Variants in CHST3 observed in about 807,000 individuals in gnomAD.
CHST3 encodes the protein carbohydrate sulfotransferase 3, also known as C6ST-1.
CHST3 carries 20 observed loss-of-function variants against 35.4 expected under a neutral mutation model. The ratio of observed to expected loss-of-function variants is 0.57; its 90% CI spans 0.40 to 0.82. CHST3 has a LOEUF of 0.82. Ranked by LOEUF, CHST3 falls within the 40% of genes least tolerant of loss-of-function variation. The pLI is 0.00. For synonymous variants in CHST3, 334 were observed against 295.9 expected (o/e 1.13, Z -1.32); for missense variants, 693 against 670.1 (o/e 1.03, Z -0.38).
At chr10:71,977,602 A>G (rs2131742673) in intron 1 of CHST3, among the ~76,000 whole-genome samples, 1 of 151,918 alleles carries the variant, frequency 6.6e-6, no homozygotes. Context: ...GGTGTGCTCC[A>G]CCTAATTTTT....
chr10:72,000,553 C>T (rs895126198), intron 1 of CHST3, among the ~76,000 whole-genome samples: 8 of 152,004 alleles, frequency 5.3e-5, no homozygotes, highest in Admixed American at 5.2e-4. Context: ...GGCAGAGGTA[C>T]CAGCTGATGC....
In CHST3 at chr10:72,008,073, A is replaced by AT; in HGVS notation, c.1043dup (p.Arg349ProfsTer163). 5.2e-6 allele frequency: 8 copies of AT among 1,546,040 alleles called. No individual in the cohort carries two copies. Among genetic ancestry groups the AT allele is most frequent in the Non-Finnish European group, 7.0e-6 (8 of 1,144,224 alleles). ...GCGGCTGCGGGGCAACTGCGAGAGC[A>AT]TCCGCCTGTCCGCGGAGCTGGGGCT... On this transcript the variant is annotated frameshift_variant, in exon 3 of 3. Coordinates refer to ENST00000373115, the MANE Select transcript of CHST3 (RefSeq NM_004273.5). LOFTEE classifies it high-confidence loss of function.
intron 1 of CHST3, among the ~76,000 whole-genome samples, chr10:71,970,131 C>A (rs1839676457): frequency 6.6e-6 from 1 of 152,114 alleles, no homozygotes. Flanking sequence ...TCTCTATTGC[C>A]CCAAATCTGG....
chr10:71,991,935 G>A (rs202155503), intron 1 of CHST3, among the ~76,000 whole-genome samples: 1 of 148,526 alleles, frequency 6.7e-6, no homozygotes, highest in Non-Finnish European at 1.5e-5. Flanking sequence ...AACTCTGTCT[G>A]AAAAAAAAAA....
chr10:71,984,624 G>GCTT (rs955770434), intron 1 of CHST3, among the ~76,000 whole-genome samples: 7 of 152,194 alleles, frequency 4.6e-5, no homozygotes, highest in Non-Finnish European at 7.3e-5. Flanking sequence ...GTGGAGCCAG[G>GCTT]CTTCCTGTGT....
intron 2 of CHST3, among the ~76,000 whole-genome samples, chr10:72,006,907 G>C (rs1840044127): frequency 6.6e-6 from 1 of 152,140 alleles, no homozygotes; most frequent in South Asian, 2.1e-4. Context: ...ATCCCCATCA[G>C]ACTAAGCCTC....
rs1462314405 is a variant in CHST3, at chr10:72,011,663, GA to G, written c.*3193del. ...GCCGCCAGCCTCCCTAGCACAAGGG[GA>G]CCATTCAGCAATGAGTGTTTACTCA... On this transcript the variant is annotated 3_prime_UTR_variant, in exon 3 of 3. Coordinates refer to ENST00000373115, the MANE Select transcript of CHST3 (RefSeq NM_004273.5). The G allele has an allele frequency of 6.6e-6, 1 of 152,240 alleles. No individual in the cohort carries two copies. The highest frequency in any genetic ancestry group is 2.4e-5 in the African/African-American group (1 of 41,450). 9.4% of individuals were successfully genotyped at this position (152,240 alleles called of 1,614,324 possible). A position where few individuals can be genotyped will look rare whatever the true frequency, so the allele number is the denominator to read the frequency against.
chr10:71,995,080 C>G (rs1839927219), intron 1 of CHST3, among the ~76,000 whole-genome samples: 1 of 152,180 alleles, frequency 6.6e-6, no homozygotes, highest in African/African-American at 2.4e-5. Flanking sequence ...AAGTCTTTTT[C>G]ACATTATTAT....
intron 1 of CHST3, among the ~76,000 whole-genome samples, chr10:71,984,530 G>A (rs1044323232): frequency 2.0e-5 from 3 of 152,176 alleles, no homozygotes; most frequent in Non-Finnish European, 2.9e-5. Context: ...CTAGGACTCT[G>A]ATCTGTCCAC....
At chr10:71,979,996 C>T (rs925124008) in intron 1 of CHST3, among the ~76,000 whole-genome samples, 2 of 152,204 alleles carry the variant, frequency 1.3e-5, no homozygotes, top group African/African-American at 4.8e-5. Flanking sequence ...TCACCTGAAA[C>T]AGTCCTTCCC....
intron 1 of CHST3, among the ~76,000 whole-genome samples, chr10:71,977,485 T>A (rs1839757776): frequency 1.3e-5 from 2 of 150,914 alleles, no homozygotes; most frequent in Admixed American, 6.6e-5. Flanking sequence ...GGTCTCACTC[T>A]GTCACCCAGG....
At position 71,975,835 on chromosome 10, in the gene CHST3, G is replaced by A. The variant is rs576710126; in HGVS notation, c.-108+11141G>A. Among the ~76,000 whole-genome samples, 225 of 152,356 alleles carry A rather than the reference G, an allele frequency of 1.5e-3. 1 individual carries two copies. Among genetic ancestry groups the A allele is most frequent in the African/African-American group, 5.3e-3 (220 of 41,576 alleles). ...AGCTGGAGTGGAGGGGCCAGTGGCCGTGCCCTGTGCAGAATGACATCCTCT... is the reference window on the plus strand; with the variant it reads ...AGCTGGAGTGGAGGGGCCAGTGGCCATGCCCTGTGCAGAATGACATCCTCT... On this transcript the variant is annotated intron_variant, in intron 1 of 2. Transcript: ENST00000373115.
At chr10:71,971,119 T>G (rs543576743) in intron 1 of CHST3, among the ~76,000 whole-genome samples, 28 of 152,302 alleles carry the variant, frequency 1.8e-4, no homozygotes, top group Admixed American at 1.0e-3. Flanking sequence ...AGCCAGGGCT[T>G]GGCAGCGGAG....
At position 71,990,140 on chromosome 10, in the gene CHST3, G is replaced by A. The variant is rs756707634; in HGVS notation, c.-107-15596G>A. 2.4e-4 allele frequency among the ~76,000 whole-genome samples: 36 copies of A among 152,194 alleles called. 1 individual carries two copies. Among genetic ancestry groups the A allele is most frequent in the African/African-American group, 8.4e-4 (35 of 41,432 alleles). ...AGAAGTGGAATTCCTGGGTCGAAGA[G>A]TGTTATAGCAGTCCTTTGGGGCTGC... On this transcript the variant is annotated intron_variant, in intron 1 of 2. Coordinates refer to ENST00000373115, the MANE Select transcript of CHST3 (RefSeq NM_004273.5).
rs886047163 is a variant in CHST3, at chr10:72,009,322, T to C, written c.*851T>C. On this transcript the variant is annotated 3_prime_UTR_variant, in exon 3 of 3. Coordinates refer to ENST00000373115, the MANE Select transcript of CHST3 (RefSeq NM_004273.5). ...ACATGACACAGTTCCCTGGCCGGGT[T>C]TGGACTGAACAGTGGATTCAGAACT... The C allele has an allele frequency of 6.6e-6, 1 of 152,226 alleles. No homozygotes were observed. Among genetic ancestry groups the C allele is most frequent in the Non-Finnish European group, 1.5e-5 (1 of 68,042 alleles). The allele number at this position is 152,226 out of a possible 1,614,324, so 9.4% of individuals were successfully genotyped here. A position where few individuals can be genotyped will look rare whatever the true frequency, so the allele number is the denominator to read the frequency against.
intron 1 of CHST3, among the ~76,000 whole-genome samples, chr10:71,974,477 A>G (rs975705625): frequency 6.6e-6 from 1 of 152,162 alleles, no homozygotes; most frequent in African/African-American, 2.4e-5. Context: ...CAGGGGCATC[A>G]CAGGGATGAG....
At chr10:71,981,145 C>T (rs964841135) in intron 1 of CHST3, among the ~76,000 whole-genome samples, 1 of 152,206 alleles carries the variant, frequency 6.6e-6, no homozygotes, top group Non-Finnish European at 1.5e-5. Flanking sequence ...AGGCTGTCCC[C>T]GCTGGCTCTG....
rs560427477 is a variant in CHST3 at position 72,005,931 on chromosome 10, T to C, written c.89T>C (p.Phe30Ser). The stretch of plus-strand genomic sequence containing the variant: ...AGCAAATACGCCCTTTTCTTGGTTT[T>C]TGTGGTGATAGTTTTTGTCTTCATC... Reference protein sequence around the residue: ...MRSKYALFLVFVVIVFVFIEK... With the variant: ...MRSKYALFLVSVVIVFVFIEK... Residue 30 changes from phenylalanine to serine, a missense_variant, in exon 2 of 3, where the codon TTT (phenylalanine) becomes TCT (serine). Coordinates refer to ENST00000373115, the MANE Select transcript of CHST3 (RefSeq NM_004273.5). 3 of 1,614,232 alleles carry C rather than the reference T, an allele frequency of 1.9e-6. No homozygotes were observed. The highest frequency in any genetic ancestry group is 3.3e-5 in the Admixed American group (2 of 60,030).
At chr10:71,967,328 T>C (rs1162454170) in intron 1 of CHST3, among the ~76,000 whole-genome samples, 1 of 152,106 alleles carries the variant, frequency 6.6e-6, no homozygotes. Flanking sequence ...CTCCCCACTG[T>C]CTCCACCCTC....
Sources: gnomAD v4.1 joint callset for allele counts (sites outside exome capture counted in the v4.1 genomes callset) on GRCh38, gnomAD v4.1.1 for gene constraint, MANE v1.5 for transcripts, NCBI Gene and HGNC (gene_info 2026-07-23, HGNC 2026-07-21) for gene names.